Variants in PCDH11Y observed in about 807,000 individuals in gnomAD.
The protein encoded by PCDH11Y is protocadherin-11 Y-linked.
For synonymous variants in PCDH11Y, 9 were observed against 83.6 expected, an observed-to-expected ratio of 0.11 and a Z score of 4.87; for missense variants, 12 against 224.8, an observed-to-expected ratio of 0.05 and a Z score of 6.05.
chrY:5,258,730 A>G (rs2124657751), intron 2 of PCDH11Y, among the ~76,000 whole-genome samples: 1 of 33,191 alleles, frequency 3.0e-5, no homozygotes, highest in South Asian at 6.7e-4. Context: ...GGTATGGTCT[A>G]TCCTTGAGAA....
chrY:5,488,929 A>C, intron 2 of PCDH11Y, among the ~76,000 whole-genome samples: 1 of 32,027 alleles, frequency 3.1e-5, no homozygotes, highest in South Asian at 7.0e-4. Context: ...TCTTAAGCAC[A>C]AATCTCTTTT....
chrY:5,108,614 G>A (rs1602868969), downstream of PCDH11Y, among the ~76,000 whole-genome samples: 16 of 30,320 alleles, frequency 5.3e-4, no homozygotes, highest in African/African-American at 2.1e-3. Flanking sequence ...GGGCGTGGTG[G>A]CGGGCGCCTG....
chrY:5,584,558 A>AT (rs2053453440), intron 4 of PCDH11Y, among the ~76,000 whole-genome samples: 1 of 29,057 alleles, frequency 3.4e-5, no homozygotes, highest in Admixed American at 3.2e-4. Flanking sequence ...GTCCTCAGCT[A>AT]TTTTTCTGCT....
intron 4 of PCDH11Y, among the ~76,000 whole-genome samples, chrY:5,710,939 T>C: frequency 3.1e-5 from 1 of 32,785 alleles, no homozygotes; most frequent in Non-Finnish European, 7.5e-5. Flanking sequence ...ATGGGGATCA[T>C]GGGGATTATG....
intron 2 of PCDH11Y, among the ~76,000 whole-genome samples, chrY:5,440,250 T>C: frequency 6.2e-5 from 2 of 32,488 alleles, no homozygotes; most frequent in African/African-American, 2.4e-4. Flanking sequence ...AGCAGGAAGT[T>C]CTGGCTTGTG....
intron 2 of PCDH11Y, among the ~76,000 whole-genome samples, chrY:5,389,010 G>A (rs2053219094): frequency 3.0e-5 from 1 of 33,363 alleles, no homozygotes; most frequent in East Asian, 8.0e-4. Context: ...TTTATGACAC[G>A]GGCTTCTTCT....
intron 2 of PCDH11Y, among the ~76,000 whole-genome samples, chrY:5,458,076 G>A (rs207480392): frequency 6.1e-5 from 2 of 32,887 alleles, no homozygotes; most frequent in South Asian, 1.3e-3. Context: ...AAAGCTGGTT[G>A]TACAAACGTT....
At chrY:5,011,214 G>T in intron 1 of PCDH11Y, among the ~76,000 whole-genome samples, 4 of 34,072 alleles carry the variant, frequency 1.2e-4, no homozygotes, top group African/African-American at 4.6e-4. Flanking sequence ...TGAAACTGTA[G>T]TTCAGAATAA....
intron 1 of PCDH11Y, among the ~76,000 whole-genome samples, chrY:5,089,711 A>C: frequency 1.2e-4 from 4 of 33,449 alleles, no homozygotes; most frequent in African/African-American, 4.7e-4. Flanking sequence ...GTCATTTACC[A>C]AACTTCTCTC....
chrY:5,741,632 A>G (rs2053617705), exon 5 of PCDH11Y: 2 of 32,502 alleles, frequency 6.2e-5, no homozygotes, highest in African/African-American at 2.4e-4. Flanking sequence ...AACTGGCTCA[A>G]TTGGCTGGGA....
chrY:5,125,714 A>G (rs2052824373), intron 2 of PCDH11Y, among the ~76,000 whole-genome samples: 1 of 33,534 alleles, frequency 3.0e-5, no homozygotes, highest in Admixed American at 2.8e-4. Flanking sequence ...CCACAGAGTC[A>G]TTGTGACTCA....
chrY:5,132,893 C>T, intron 2 of PCDH11Y, among the ~76,000 whole-genome samples: 2 of 32,885 alleles, frequency 6.1e-5, no homozygotes, highest in African/African-American at 2.4e-4. Context: ...ACCTTATTCA[C>T]TAAACTATAA....
intron 1 of PCDH11Y, among the ~76,000 whole-genome samples, chrY:5,009,333 G>A: frequency 3.0e-5 from 1 of 33,329 alleles, no homozygotes; most frequent in Admixed American, 2.7e-4. Flanking sequence ...CACCTGTATT[G>A]TGCATATTAT....
At chrY:5,381,863 T>G in intron 2 of PCDH11Y, among the ~76,000 whole-genome samples, 1 of 33,264 alleles carries the variant, frequency 3.0e-5, no homozygotes, top group Non-Finnish European at 7.4e-5. Context: ...AAGACAGCAG[T>G]GGTACTTATA....
At chrY:5,057,267 G>T in exon 1 of PCDH11Y, 1 of 396,473 alleles carries the variant, frequency 2.5e-6, no homozygotes, top group Non-Finnish European at 3.5e-6. Context: ...CCATTTTGCC[G>T]GATGAAATAT....
chrY:5,073,368 G>GAAAAAAA (rs2052703071), intron 1 of PCDH11Y, among the ~76,000 whole-genome samples: 1 of 29,301 alleles, frequency 3.4e-5, no homozygotes, highest in Non-Finnish European at 8.3e-5. Context: ...ATAGTGAGAG[G>GAAAAAAA]AAAAAAAAAA....
intron 3 of PCDH11Y, among the ~76,000 whole-genome samples, chrY:5,034,711 C>G: frequency 6.2e-5 from 2 of 32,108 alleles, no homozygotes; most frequent in Non-Finnish European, 1.5e-4. Flanking sequence ...AAGACTTTTT[C>G]TTGCTGACTG....
intron 2 of PCDH11Y, among the ~76,000 whole-genome samples, chrY:5,264,124 C>G (rs2053022900): frequency 3.1e-5 from 1 of 32,509 alleles, no homozygotes; most frequent in African/African-American, 1.2e-4. Context: ...CCAAGGGCTG[C>G]TCAGTCAGCT....
chrY:5,724,573 AAGT>A (rs2053597402), intron 4 of PCDH11Y, among the ~76,000 whole-genome samples: 10 of 33,633 alleles, frequency 3.0e-4, no homozygotes, highest in Admixed American at 2.7e-3. Flanking sequence ...GCAAAGAAAG[AAGT>A]AGAATTATCT....
Sources: gnomAD v4.1 joint callset for allele counts (sites outside exome capture counted in the v4.1 genomes callset) on GRCh38, gnomAD v4.1.1 for gene constraint, MANE v1.5 for transcripts, NCBI Gene and HGNC (gene_info 2026-07-23, HGNC 2026-07-21) for gene names.